SV2C: variants seen among roughly 807,000 people sequenced by gnomAD.
SV2C encodes the protein synaptic vesicle glycoprotein 2C.
Under a neutral mutation model 79.7 loss-of-function variants are expected in SV2C, and 49 were observed. The observed-to-expected ratio is 0.61, with a 90% CI of 0.49 to 0.78. The LOEUF (loss-of-function observed/expected upper bound fraction) is 0.78. Among genes scored for constraint, SV2C ranks in the 30% least tolerant of loss-of-function variants. SV2C has a pLI of 0.00. For synonymous variants in SV2C, 334 were observed against 333.2 expected (o/e 1.00, Z -0.03); for missense variants, 833 against 912.9 (o/e 0.91, Z 1.13).
At chr5:76,234,107 A>G (rs1045120412) in intron 4 of SV2C, among the ~76,000 whole-genome samples, 1 of 152,240 alleles carries the variant, frequency 6.6e-6, no homozygotes, top group Non-Finnish European at 1.5e-5. Flanking sequence ...TTTATAAGCC[A>G]TAATGTATTT....
At chr5:76,102,458 A>G (rs1747774983) in intron 1 of SV2C, among the ~76,000 whole-genome samples, 1 of 152,180 alleles carries the variant, frequency 6.6e-6, no homozygotes, top group Non-Finnish European at 1.5e-5. Flanking sequence ...TGTGTTATCC[A>G]GTAGCAATTA....
chr5:75,921,140 A>G, the SV2C span: 1 of 886,092 alleles, frequency 1.1e-6, no homozygotes, highest in Non-Finnish European at 1.8e-6. Context: ...TTCAATGTTC[A>G]TGGCACCAAT....
chr5:76,099,818 C>G (rs1483908932), intron 1 of SV2C, among the ~76,000 whole-genome samples: 1 of 152,168 alleles, frequency 6.6e-6, no homozygotes, highest in Non-Finnish European at 1.5e-5. Context: ...AGCTGAATTT[C>G]TCATCCACCA....
downstream of SV2C, among the ~76,000 whole-genome samples, chr5:76,338,050 A>G (rs1749362007): frequency 6.6e-6 from 1 of 152,212 alleles, no homozygotes; most frequent in Admixed American, 6.5e-5. Flanking sequence ...CTGCTACTGC[A>G]ATCCCTTTGT....
At chr5:76,113,182 T>C (rs1748149294) in intron 1 of SV2C, among the ~76,000 whole-genome samples, 1 of 152,260 alleles carries the variant, frequency 6.6e-6, no homozygotes, top group African/African-American at 2.4e-5. Flanking sequence ...ATACCTCTAC[T>C]TGTCCACCTT....
the SV2C span, among the ~76,000 whole-genome samples, chr5:75,923,317 T>A: frequency 6.6e-6 from 1 of 152,196 alleles, no homozygotes; most frequent in South Asian, 2.1e-4. Context: ...ACCATAAAAA[T>A]TCTAGAAGAT....
At chr5:76,201,349 A>T (rs1207697786) in intron 3 of SV2C, among the ~76,000 whole-genome samples, 3 of 152,226 alleles carry the variant, frequency 2.0e-5, no homozygotes, top group Non-Finnish European at 4.4e-5. Flanking sequence ...TGGGAATGAT[A>T]GTACTTTGGA....
intron 4 of SV2C, among the ~76,000 whole-genome samples, chr5:76,257,102 G>A (rs1339027505): frequency 6.6e-6 from 1 of 152,200 alleles, no homozygotes; most frequent in Admixed American, 6.5e-5. Flanking sequence ...GTTCTGATGT[G>A]CCGTAAACTT....
the SV2C span, among the ~76,000 whole-genome samples, chr5:75,998,671 T>C: frequency 6.6e-6 from 1 of 151,272 alleles, no homozygotes; most frequent in East Asian, 1.9e-4. Flanking sequence ...AATGTGTATG[T>C]GTGTGGGTGT....
intron 12 of SV2C, among the ~76,000 whole-genome samples, chr5:76,350,683 G>A (rs1749626470): frequency 6.6e-6 from 1 of 152,168 alleles, no homozygotes; most frequent in African/African-American, 2.4e-5. Context: ...ATCAGAATGG[G>A]GAAAGACAGA....
chr5:76,124,463 A>G (rs1462024792), intron 1 of SV2C, among the ~76,000 whole-genome samples: 1 of 152,174 alleles, frequency 6.6e-6, no homozygotes, highest in Non-Finnish European at 1.5e-5. Context: ...TTAAGGCTGA[A>G]TAACATTCCA....
the SV2C span, among the ~76,000 whole-genome samples, chr5:75,865,463 A>G: frequency 2.0e-5 from 3 of 152,210 alleles, no homozygotes; most frequent in Non-Finnish European, 4.4e-5. Context: ...AATAGGGTGG[A>G]AAAGGACATC....
At chr5:76,119,174 A>C (rs530666802) in intron 1 of SV2C, among the ~76,000 whole-genome samples, 1 of 152,342 alleles carries the variant, frequency 6.6e-6, no homozygotes, top group South Asian at 2.1e-4. Context: ...AAATGGTAGA[A>C]GAATATTTTA....
At chr5:75,992,495 A>G in the SV2C span, among the ~76,000 whole-genome samples, 2 of 152,154 alleles carry the variant, frequency 1.3e-5, no homozygotes, top group African/African-American at 4.8e-5. Context: ...TAAAGTATAA[A>G]TTTTACTGCT....
intron 12 of SV2C, among the ~76,000 whole-genome samples, chr5:76,307,299 A>C (rs763510063): frequency 6.6e-6 from 1 of 152,244 alleles, no homozygotes; most frequent in East Asian, 1.9e-4. Context: ...AGCTGAGCAG[A>C]GAAAGTTGGC....
intron 1 of SV2C, among the ~76,000 whole-genome samples, chr5:76,093,286 T>C (rs1747439106): frequency 6.6e-6 from 1 of 152,164 alleles, no homozygotes; most frequent in African/African-American, 2.4e-5. Flanking sequence ...TCTCCTGCTC[T>C]GAATTCCATT....
chr5:76,077,073 A>C, the SV2C span, among the ~76,000 whole-genome samples: 2 of 152,242 alleles, frequency 1.3e-5, no homozygotes, highest in African/African-American at 4.8e-5. Flanking sequence ...AACCCAAATG[A>C]AATAGTGGAT....
At chr5:76,265,445 C>T (rs1001889040) in intron 4 of SV2C, among the ~76,000 whole-genome samples, 1 of 152,154 alleles carries the variant, frequency 6.6e-6, no homozygotes, top group Non-Finnish European at 1.5e-5. Flanking sequence ...TGAAGCCTTT[C>T]AAGGGTAGTG....
intron 12 of SV2C, among the ~76,000 whole-genome samples, chr5:76,344,974 A>G (rs548179821): frequency 1.7e-4 from 26 of 152,282 alleles, no homozygotes; most frequent in African/African-American, 5.5e-4. Context: ...AAGTTGTTCA[A>G]TCTTATTCTA....
Sources: allele counts gnomAD v4.1 joint callset (sites outside exome capture counted in the v4.1 genomes callset), GRCh38; gene constraint gnomAD v4.1.1; transcripts MANE v1.5; gene names NCBI Gene and HGNC (gene_info 2026-07-23, HGNC 2026-07-21).